NRG3: variants seen among roughly 807,000 people sequenced by gnomAD.
NRG3 encodes the protein neuregulin 3.
In NRG3, 31 loss-of-function variants were observed where a neutral mutation model predicts 66.9. The observed-to-expected ratio is 0.46, with a 90% confidence interval of 0.35 to 0.63. The LOEUF is 0.63. Among genes scored for constraint, NRG3 ranks in the 20% least tolerant of loss-of-function variants. NRG3 has a pLI of 0.00. For synonymous variants in NRG3, 393 were observed against 359.4 expected (o/e 1.09, Z -1.06); for missense variants, 910 against 878.9 (o/e 1.04, Z -0.45).
intron 1 of NRG3, among the ~76,000 whole-genome samples, chr10:81,955,668 A>G (rs1489659303): frequency 1.3e-5 from 2 of 152,296 alleles, no homozygotes; most frequent in East Asian, 3.9e-4. Context: ...TCACAGCAAA[A>G]TAAAAGTTGA....
chr10:82,152,822 TTCTTTC>T (rs1302425424), intron 1 of NRG3, among the ~76,000 whole-genome samples: 3 of 149,874 alleles, frequency 2.0e-5, no homozygotes, highest in Non-Finnish European at 4.4e-5. Context: ...CTCTCTCTTT[TTCTTTC>T]TCTTTCTCTT....
intron 2 of NRG3, among the ~76,000 whole-genome samples, chr10:82,378,326 G>C (rs970437793): frequency 2.6e-5 from 4 of 152,178 alleles, no homozygotes; most frequent in Non-Finnish European, 5.9e-5. Flanking sequence ...CGTGTGATTT[G>C]AAGCCTAGAG....
intron 2 of NRG3, among the ~76,000 whole-genome samples, chr10:82,479,519 T>C (rs1346630580): frequency 5.0e-5 from 7 of 139,676 alleles, no homozygotes; most frequent in Non-Finnish European, 9.1e-5. Context: ...AAAAAACAGC[T>C]GGGCGTGGTG....
intron 1 of NRG3, among the ~76,000 whole-genome samples, chr10:82,288,675 G>A (rs927862838): frequency 5.3e-5 from 8 of 152,142 alleles, no homozygotes; most frequent in Admixed American, 6.5e-5. Flanking sequence ...TAGAACTCAC[G>A]ATCCAGTGGA....
intron 2 of NRG3, among the ~76,000 whole-genome samples, chr10:82,611,683 G>T (rs1338927161): frequency 6.6e-6 from 1 of 152,132 alleles, no homozygotes; most frequent in Non-Finnish European, 1.5e-5. Context: ...GGACATTTGG[G>T]TTGGTTCCAA....
intron 4 of NRG3, among the ~76,000 whole-genome samples, chr10:82,896,466 T>A (rs913091212): frequency 6.6e-6 from 1 of 152,210 alleles, no homozygotes; most frequent in Non-Finnish European, 1.5e-5. Flanking sequence ...TGACTGTGAA[T>A]GAATTTGTGG....
intron 3 of NRG3, among the ~76,000 whole-genome samples, chr10:82,847,365 A>C (rs1287798049): frequency 6.6e-6 from 1 of 152,224 alleles, no homozygotes; most frequent in Non-Finnish European, 1.5e-5. Flanking sequence ...GCGAGTAGAT[A>C]TCAAGTAGGC....
At chr10:82,880,218 G>A (rs1341976713) in intron 4 of NRG3, among the ~76,000 whole-genome samples, 1 of 152,060 alleles carries the variant, frequency 6.6e-6, no homozygotes, top group Non-Finnish European at 1.5e-5. Context: ...CATAACCTGA[G>A]TGACCTAATC....
At chr10:82,352,496 C>T (rs1464736094) in intron 1 of NRG3, among the ~76,000 whole-genome samples, 1 of 152,112 alleles carries the variant, frequency 6.6e-6, no homozygotes, top group Non-Finnish European at 1.5e-5. Context: ...GTTCTGTGAC[C>T]TAAATGGTGA....
intron 1 of NRG3, among the ~76,000 whole-genome samples, chr10:82,174,453 A>C (rs1039740608): frequency 3.3e-5 from 5 of 152,040 alleles, no homozygotes; most frequent in African/African-American, 1.2e-4. Context: ...TAATAATGCT[A>C]ATATGAATAG....
At chr10:82,392,031 C>T (rs938908125) in intron 2 of NRG3, among the ~76,000 whole-genome samples, 1 of 123,714 alleles carries the variant, frequency 8.1e-6, no homozygotes, top group Non-Finnish European at 1.7e-5. Flanking sequence ...ACCCACGAAA[C>T]TAGGAAAAGC....
chr10:82,345,362 T>A (rs562444366), intron 1 of NRG3, among the ~76,000 whole-genome samples: 9 of 150,546 alleles, frequency 6.0e-5, no homozygotes, highest in African/African-American at 1.7e-4. Context: ...TTGTCAAAGA[T>A]CAGATAGTTG....
At chr10:82,457,867 C>T (rs981108438) in intron 2 of NRG3, among the ~76,000 whole-genome samples, 3 of 152,158 alleles carry the variant, frequency 2.0e-5, no homozygotes, top group African/African-American at 7.2e-5. Context: ...CTCTGTTCTC[C>T]CTGGGCTGAT....
At chr10:82,680,379 G>T (rs1246715837) in intron 2 of NRG3, among the ~76,000 whole-genome samples, 1 of 152,136 alleles carries the variant, frequency 6.6e-6, no homozygotes, top group Non-Finnish European at 1.5e-5. Context: ...CCAATAATCA[G>T]CAGAATGCCT....
In NRG3 at chr10:82,460,553, T is replaced by C. The variant is rs564215896; in HGVS notation, c.953+101685T>C. 2.0e-5 allele frequency among the ~76,000 whole-genome samples: 3 copies of C among 152,330 alleles called. No individual in the cohort carries two copies. The East Asian group carries it at 5.8e-4, about 29-fold the overall frequency. ...TCTCTGTCTTTCATGCAACTCTCTA[T>C]TCATTTCGGTGCAGGAAAAAACTGA... On this transcript the variant is annotated intron_variant, in intron 2 of 8. Transcript: ENST00000372141.
intron 2 of NRG3, among the ~76,000 whole-genome samples, chr10:82,494,469 G>T (rs1029354120): frequency 6.6e-6 from 1 of 152,006 alleles, no homozygotes; most frequent in Non-Finnish European, 1.5e-5. Flanking sequence ...GTGTGTGTAT[G>T]TGTAAGTGCG....
At chr10:82,402,310 A>G (rs1414917942) in intron 2 of NRG3, among the ~76,000 whole-genome samples, 1 of 152,148 alleles carries the variant, frequency 6.6e-6, no homozygotes, top group Non-Finnish European at 1.5e-5. Flanking sequence ...TTCAGCCATG[A>G]ACCTTCTGAA....
chr10:82,470,826 A>G (rs1841181655), intron 2 of NRG3, among the ~76,000 whole-genome samples: 1 of 152,130 alleles, frequency 6.6e-6, no homozygotes, highest in South Asian at 2.1e-4. Context: ...TCCTTAGTTG[A>G]AGTGAGAGCT....
At chr10:82,984,978 C>T in intron 8 of NRG3, 120 bp from the exon 9 acceptor site, 1 of 1,333,478 alleles carries the variant, frequency 7.5e-7, no homozygotes, top group Non-Finnish European at 1.1e-6. Flanking sequence ...TTATCCGTCT[C>T]ATGGGGTTGC....
Sources: allele counts gnomAD v4.1 joint callset (sites outside exome capture counted in the v4.1 genomes callset), GRCh38; gene constraint gnomAD v4.1.1; transcripts MANE v1.5; gene names NCBI Gene and HGNC (gene_info 2026-07-23, HGNC 2026-07-21).